ARFIP1: variants seen among roughly 807,000 people sequenced by gnomAD.
ARFIP1 encodes the protein arfaptin-1.
Under a neutral mutation model 42.5 loss-of-function variants are expected in ARFIP1, and 24 were observed. The observed-to-expected ratio is 0.57, with a 90% confidence interval of 0.41 to 0.80. The LOEUF (loss-of-function observed/expected upper bound fraction) is 0.80. ARFIP1 is among the 30% of genes least tolerant of loss of function. The pLI, the probability that ARFIP1 is intolerant of heterozygous loss-of-function variation, is 0.00. For missense variants in ARFIP1, 354 were observed against 434.0 expected (o/e 0.82, Z 1.64); for synonymous variants, 141 against 153.7 (o/e 0.92, Z 0.61).
intron 2 of ARFIP1, among the ~76,000 whole-genome samples, chr4:152,848,320 G>A (rs934758455): frequency 6.6e-6 from 1 of 152,082 alleles, no homozygotes. Flanking sequence ...AATAAATGGT[G>A]AATAAATGAA....
At chr4:152,848,499 T>C (rs114560560) in intron 2 of ARFIP1, among the ~76,000 whole-genome samples, 3,269 of 152,320 alleles carry the variant, frequency 0.021, 50 homozygotes, top group Non-Finnish European at 0.037. Context: ...GTTATAGTTT[T>C]ATTTTTAATG....
chr4:152,801,273 A>G (rs535627572), intron 1 of ARFIP1, among the ~76,000 whole-genome samples: 50 of 152,328 alleles, frequency 3.3e-4, no homozygotes, highest in African/African-American at 1.2e-3. Flanking sequence ...ATGTTTGAGC[A>G]GAAACCTAAA....
intron 2 of ARFIP1, among the ~76,000 whole-genome samples, chr4:152,855,675 T>C (rs1191771838): frequency 6.6e-6 from 1 of 152,214 alleles, no homozygotes; most frequent in Non-Finnish European, 1.5e-5. Context: ...AGGGAGCATG[T>C]GGGACCCAGA....
chr4:152,874,687 A>T (rs993174402), intron 5 of ARFIP1, among the ~76,000 whole-genome samples: 1 of 151,946 alleles, frequency 6.6e-6, no homozygotes, highest in Non-Finnish European at 1.5e-5. Flanking sequence ...GTTTGTGTAG[A>T]TAGGTCTCAC....
chr4:152,781,902 T>C (rs1000120434), intron 1 of ARFIP1, among the ~76,000 whole-genome samples: 4 of 152,214 alleles, frequency 2.6e-5, no homozygotes, highest in Non-Finnish European at 5.9e-5. Context: ...TGAAATTATA[T>C]GCAGTTTTGT....
chr4:152,793,527 T>G (rs1312092067), intron 1 of ARFIP1, among the ~76,000 whole-genome samples: 2 of 151,984 alleles, frequency 1.3e-5, no homozygotes, highest in African/African-American at 4.8e-5. Context: ...AGTCCCAAAC[T>G]CCATATGTAC....
chr4:152,812,890 A>G (rs1367977946), intron 1 of ARFIP1, among the ~76,000 whole-genome samples: 3 of 152,132 alleles, frequency 2.0e-5, no homozygotes, highest in African/African-American at 7.2e-5. Context: ...TGCTTCCTTA[A>G]TATCTGTTGA....
At chr4:152,877,596 A>G (rs926491503) in intron 5 of ARFIP1, among the ~76,000 whole-genome samples, 1 of 152,080 alleles carries the variant, frequency 6.6e-6, no homozygotes, top group Non-Finnish European at 1.5e-5. Context: ...TTGGGAAGGC[A>G]TGGTTGGTTT....
At chr4:152,783,732 G>A (rs1212561392) in intron 1 of ARFIP1, among the ~76,000 whole-genome samples, 1 of 152,158 alleles carries the variant, frequency 6.6e-6, no homozygotes, top group Non-Finnish European at 1.5e-5. Flanking sequence ...ATCTTCAGTG[G>A]ATGAACATCT....
intron 2 of ARFIP1, 84 bp downstream of exon 2, chr4:152,829,810 T>C: frequency 9.2e-7 from 1 of 1,090,194 alleles, no homozygotes; most frequent in Non-Finnish European, 1.3e-6. Flanking sequence ...CAAAATTTAA[T>C]ATAGGATTGT....
intron 2 of ARFIP1, among the ~76,000 whole-genome samples, chr4:152,852,491 G>C (rs1260187633): frequency 6.6e-6 from 1 of 152,166 alleles, no homozygotes; most frequent in East Asian, 1.9e-4. Flanking sequence ...AAATTAGCCA[G>C]GTGTGGCAGC....
At chr4:152,903,879 G>T (rs767095322) in intron 8 of ARFIP1, among the ~76,000 whole-genome samples, 3 of 151,956 alleles carry the variant, frequency 2.0e-5, no homozygotes, top group Non-Finnish European at 4.4e-5. Context: ...ATTGACATTT[G>T]CAGGGCTAGT....
At chr4:152,908,891 AGTGTGTG>A (rs1202692336) in intron 8 of ARFIP1, among the ~76,000 whole-genome samples, 14 of 132,464 alleles carry the variant, frequency 1.1e-4, no homozygotes, top group Admixed American at 1.5e-4. Context: ...GCTAGAGAGA[AGTGTGTG>A]TGTGTGTGTG....
At position 152,902,343 on chromosome 4, in the gene ARFIP1, A is replaced by G. The variant is rs376137093; in HGVS notation, c.967-7721A>G. 2.0e-4 allele frequency among the ~76,000 whole-genome samples: 30 copies of G among 152,292 alleles called. No homozygotes were observed. In the East Asian group the frequency reaches 2.3e-3, roughly 12 times the overall value. On this transcript the variant is annotated intron_variant, in intron 8 of 8. Transcript: ENST00000353617. ...ATAGAGAGACCCGGTCTCTACGGAAAATAAAAAAGTTAGCCAGGTATGGTG... is the reference window on the plus strand; with the variant it reads ...ATAGAGAGACCCGGTCTCTACGGAAGATAAAAAAGTTAGCCAGGTATGGTG...
intron 8 of ARFIP1, among the ~76,000 whole-genome samples, chr4:152,893,020 A>T (rs1437670519): frequency 6.6e-6 from 1 of 152,246 alleles, no homozygotes; most frequent in Admixed American, 6.5e-5. Context: ...TCAGAGTTCA[A>T]AACAAAACAT....
At position 152,899,824 on chromosome 4, in the gene ARFIP1, A is replaced by G. The variant is rs183460458; in HGVS notation, c.967-10240A>G. Among the ~76,000 whole-genome samples, 8 of 152,278 alleles carry G rather than the reference A, an allele frequency of 5.3e-5. No homozygotes were observed. In the East Asian group the frequency reaches 9.6e-4, roughly 18 times the overall value. ...GGAAAGTTGCTATAAGGATTTTTAT[A>G]TATATAATACCTATATCTGTATAAT... On this transcript the variant is annotated intron_variant, in intron 8 of 8. Coordinates refer to ENST00000353617, the MANE Select transcript of ARFIP1 (RefSeq NM_001025595.3).
At chr4:152,899,413 C>T (rs1049781826) in intron 8 of ARFIP1, among the ~76,000 whole-genome samples, 1 of 152,150 alleles carries the variant, frequency 6.6e-6, no homozygotes. Flanking sequence ...TGCTGTCAAG[C>T]CCATGATTGT....
intron 1 of ARFIP1, among the ~76,000 whole-genome samples, chr4:152,797,980 G>A (rs1056973844): frequency 1.3e-5 from 2 of 152,132 alleles, no homozygotes; most frequent in African/African-American, 2.4e-5. Flanking sequence ...AGAAATGGCC[G>A]GGCGCGGTGG....
At chr4:152,901,340 A>G (rs1168133158) in intron 8 of ARFIP1, among the ~76,000 whole-genome samples, 1 of 152,220 alleles carries the variant, frequency 6.6e-6, no homozygotes, top group South Asian at 2.1e-4. Flanking sequence ...ACTTGGCATC[A>G]TCTATCAGTT....
Sources: gnomAD v4.1 joint callset for allele counts (sites outside exome capture counted in the v4.1 genomes callset) on GRCh38, gnomAD v4.1.1 for gene constraint, MANE v1.5 for transcripts, NCBI Gene and HGNC (gene_info 2026-07-23, HGNC 2026-07-21) for gene names.